The following MTMR1 variants were observed in gnomAD, a reference collection of about 807,000 sequenced individuals.
The protein encoded by MTMR1 is myotubularin related protein 1.
In MTMR1, 17 loss-of-function variants were observed where a neutral mutation model predicts 51.6. The ratio of observed to expected loss-of-function variants is 0.33; its 90% CI spans 0.23 to 0.49. The LOEUF (loss-of-function observed/expected upper bound fraction) is 0.49, where lower values mean the gene tolerates loss of function less well. MTMR1 is among the 20% of genes least tolerant of loss of function. MTMR1 has a pLI of 0.99. For missense variants in MTMR1, 386 were observed against 526.9 expected, an observed-to-expected ratio of 0.73 and a Z score of 2.62; for synonymous variants, 201 against 205.6, an observed-to-expected ratio of 0.98 and a Z score of 0.19.
intron 10 of MTMR1, chrX:150,735,875 A>G (rs2042252394): frequency 7.3e-6 from 1 of 136,775 alleles, no homozygotes; most frequent in East Asian, 1.9e-4. Flanking sequence ...TCAGTGGACA[A>G]CTCTGTGCAC....
chrX:150,740,896 G>A (rs923964201), intron 12 of MTMR1, among the ~76,000 whole-genome samples: 7 of 109,859 alleles, frequency 6.4e-5, no homozygotes, highest in Non-Finnish European at 1.1e-4. Flanking sequence ...CAGCTGTCTC[G>A]GGAACTAATA....
chrX:150,754,632 A>G (rs893577911), intron 14 of MTMR1, among the ~76,000 whole-genome samples: 3 of 112,229 alleles, frequency 2.7e-5, no homozygotes, highest in Non-Finnish European at 3.8e-5. Context: ...GTCTTTATAG[A>G]GCTTCTCCAG....
chrX:150,763,018 C>A lies in MTMR1; in HGVS notation c.*289C>A. 1 of 233,555 alleles carries A rather than the reference C, an allele frequency of 4.3e-6. No individual in the cohort carries two copies. Among genetic ancestry groups the A allele is most frequent in the Non-Finnish European group, 7.7e-6 (1 of 129,177 alleles). 19.2% of individuals were successfully genotyped at this position (233,555 alleles called of 1,213,427 possible). ...TACTGAGGTTCAAGAAAGCTGTACG[C>A]CATTTCTTTCCAACTTAAATCCTTC... is the stretch of plus-strand genomic sequence containing the variant. On this transcript the variant is annotated 3_prime_UTR_variant, in exon 16 of 16. Transcript: ENST00000445323.
intron 1 of MTMR1, among the ~76,000 whole-genome samples, chrX:150,694,745 C>G (rs951670409): frequency 2.7e-5 from 3 of 112,527 alleles, no homozygotes; most frequent in African/African-American, 6.5e-5. Flanking sequence ...CACTCATCTG[C>G]AAATATTCAA....
chrX:150,742,404 T>C, intron 12 of MTMR1, among the ~76,000 whole-genome samples: 1 of 112,121 alleles, frequency 8.9e-6, no homozygotes, highest in Non-Finnish European at 1.9e-5. Context: ...GCAGTCATCA[T>C]TGACTGAAAC....
In MTMR1 at chrX:150,738,342, C is replaced by T. The variant is rs1557417237; in HGVS notation, c.1473+894C>T. 2.7e-5 allele frequency among the ~76,000 whole-genome samples: 3 copies of T among 112,171 alleles called. 1 individual carries two copies. The highest frequency in any genetic ancestry group is 7.4e-4 in the South Asian group (2 of 2,707). On this transcript the variant is annotated intron_variant, in intron 12 of 15. Transcript: ENST00000445323. ...ATTTTTTATAGCTGAATAGTATTCC[C>T]TTGTGTGTATATACCACATGTTGTT...
chrX:150,695,072 G>C (rs1486761436), intron 1 of MTMR1, among the ~76,000 whole-genome samples: 1 of 112,249 alleles, frequency 8.9e-6, no homozygotes, highest in South Asian at 3.7e-4. Context: ...AAGAGGCGAG[G>C]GATCCAGCCA....
intron 12 of MTMR1, among the ~76,000 whole-genome samples, chrX:150,740,252 G>GC (rs1470211255): frequency 1.8e-5 from 2 of 111,647 alleles, no homozygotes; most frequent in Admixed American, 1.9e-4. Context: ...AAGCACTTCA[G>GC]CCAGGGTTCC....
At chrX:150,730,319 T>A in intron 7 of MTMR1, 109 bp downstream of exon 7, 1 of 572,048 alleles carries the variant, frequency 1.7e-6, no homozygotes. Flanking sequence ...TCTTTTTTCC[T>A]CTGTTGGTGA....
At chrX:150,716,534 G>A (rs1557416396) in intron 3 of MTMR1, among the ~76,000 whole-genome samples, 1 of 112,555 alleles carries the variant, frequency 8.9e-6, no homozygotes, top group African/African-American at 3.2e-5. Flanking sequence ...AAACCAGTCT[G>A]GGCTAAAAAT....
chrX:150,710,977 T>C lies in MTMR1; in HGVS notation c.253-1365T>C, dbSNP rs193260714. ...TAAAAATAGATCTAGTTAAGTGTGG[T>C]TATTACTGGGGAATGAAGCTCTGGG... is the stretch of plus-strand genomic sequence containing the variant. On this transcript the variant is annotated intron_variant, in intron 2 of 15. Transcript: ENST00000445323. Among the ~76,000 whole-genome samples the C allele has an allele frequency of 9.3e-4, 105 of 112,603 alleles. 1 individual carries two copies. The highest frequency in any genetic ancestry group is 1.6e-3 in the Admixed American group (17 of 10,675).
rs782128251 is a variant in MTMR1 at position 150,726,111 on chromosome X, G to A, written c.353-1104G>A. 2.6e-4 allele frequency among the ~76,000 whole-genome samples: 29 copies of A among 111,969 alleles called. No individual in the cohort carries two copies. The East Asian group carries it at 7.6e-3, about 29-fold the overall frequency. ...CTGCACAGCAGGAGGTGAGCAGCGG[G>A]CTAGTGAGCATTATCGCCTGAGCTC... On this transcript the variant is annotated intron_variant, in intron 4 of 15. Transcript: ENST00000445323.
intron 13 of MTMR1, among the ~76,000 whole-genome samples, chrX:150,745,130 T>C (rs1306220658): frequency 8.9e-6 from 1 of 111,914 alleles, no homozygotes; most frequent in Non-Finnish European, 1.9e-5. Flanking sequence ...TTCCCCCTCA[T>C]CTCCAACATC....
At chrX:150,729,979 G>T (rs782204831) in intron 6 of MTMR1, 130 bp from the exon 7 acceptor site, 5 of 332,312 alleles carry the variant, frequency 1.5e-5, no homozygotes, top group Non-Finnish European at 2.5e-5. Context: ...AGACTGTGCC[G>T]TTGGAGCAGG....
intron 4 of MTMR1, among the ~76,000 whole-genome samples, chrX:150,726,908 G>T (rs1887752707): frequency 9.0e-6 from 1 of 111,514 alleles, no homozygotes; most frequent in African/African-American, 3.3e-5. Context: ...TTAATGTTTT[G>T]AATATGATTA....
At chrX:150,756,533 G>A (rs1433357472) in intron 15 of MTMR1, among the ~76,000 whole-genome samples, 5 of 111,686 alleles carry the variant, frequency 4.5e-5, no homozygotes, top group Admixed American at 9.4e-5. Context: ...GTCCTGCCCC[G>A]CACCCCCAGT....
At chrX:150,760,692 G>T (rs2043085813) in intron 15 of MTMR1, among the ~76,000 whole-genome samples, 1 of 112,032 alleles carries the variant, frequency 8.9e-6, no homozygotes, top group African/African-American at 3.2e-5. Context: ...GGGAGGCCAA[G>T]GCGGGCAGAT....
In MTMR1 at chrX:150,762,703, G is replaced by A. The variant is rs781875651; in HGVS notation, c.1996G>A (p.Ala666Thr). The A allele has an allele frequency of 4.2e-5, 50 of 1,180,496 alleles. No individual in the cohort carries two copies. The highest frequency in any genetic ancestry group is 1.1e-4 in the South Asian group (6 of 52,669). The stretch of plus-strand genomic sequence containing the variant: ...GCGGGGCTCCTCGCCCTCCCACTCC[G>A]CCACCTCCGTCCACACCTCGGTCTG... ...SERGSSPSHS[A>T]TSVHTSV is the part of the protein sequence containing the mutation. Residue 666 changes from alanine to threonine, a missense_variant, in exon 16 of 16, where the codon GCC becomes ACC. Ala to Thr is a moderately conservative substitution (Grantham distance 58). Transcript: ENST00000445323.
intron 12 of MTMR1, among the ~76,000 whole-genome samples, chrX:150,738,849 G>C (rs1487810297): frequency 8.9e-6 from 1 of 111,898 alleles, no homozygotes; most frequent in East Asian, 2.8e-4. Context: ...ATAACAACTT[G>C]CTTACAATCT....
Sources: gnomAD v4.1 joint callset for allele counts (sites outside exome capture counted in the v4.1 genomes callset) on GRCh38, gnomAD v4.1.1 for gene constraint, MANE v1.5 for transcripts, NCBI Gene and HGNC (gene_info 2026-07-23, HGNC 2026-07-21) for gene names.